The following NHSL1 variants were observed in gnomAD, a reference collection of about 807,000 sequenced individuals.
The protein encoded by NHSL1 is NHS-like protein 1.
Under a neutral mutation model 95.0 loss-of-function variants are expected in NHSL1, and 48 were observed. The observed-to-expected ratio is 0.51, with a 90% CI of 0.40 to 0.64. The LOEUF (loss-of-function observed/expected upper bound fraction) is 0.64. Among genes scored for constraint, NHSL1 ranks in the 30% least tolerant of loss-of-function variants. The pLI, the probability that NHSL1 is intolerant of heterozygous loss-of-function variation, is 0.00. For missense variants in NHSL1, 1,971 were observed against 2,077.7 expected, an observed-to-expected ratio of 0.95 and a Z score of 1.00; for synonymous variants, 783 against 833.9, an observed-to-expected ratio of 0.94 and a Z score of 1.05.
intron 2 of NHSL1, among the ~76,000 whole-genome samples, chr6:138,485,399 T>G (rs1006304792): frequency 6.6e-6 from 1 of 151,466 alleles, no homozygotes; most frequent in African/African-American, 2.4e-5. Flanking sequence ...CCTGGATCAT[T>G]TAAATGACTG....
chr6:138,430,561 C>A lies in NHSL1; in HGVS notation c.3784G>T (p.Val1262Phe), dbSNP rs1246902079. Residue 1262 changes from valine to phenylalanine, a missense_variant, in exon 6 of 8, where the codon GTT becomes TTT. Physicochemically the swap from Val to Phe is conservative, Grantham distance 50 (BLOSUM62 -1). Transcript: ENST00000343505. The surrounding 1 kb of genome is among the most constrained non-coding windows in gnomAD (Gnocchi z 4.7). ...GATCCTGCAGCTCCTCCCTCAAGAA[C>A]CGAGGTGCCAGGGTGCGTGGCATGA... ...GSHATHPGTSVLEGGAAGSMS... is the reference protein window; with the variant it reads ...GSHATHPGTSFLEGGAAGSMS... 6.4e-7 allele frequency: 1 copy of A among 1,550,856 alleles called. No homozygotes were observed. Among genetic ancestry groups the A allele is most frequent in the South Asian group, 1.2e-5 (1 of 83,994 alleles).
intron 1 of NHSL1, among the ~76,000 whole-genome samples, chr6:138,522,862 T>C (rs952832519): frequency 6.6e-6 from 1 of 152,120 alleles, no homozygotes; most frequent in Non-Finnish European, 1.5e-5. Flanking sequence ...TTTGAGTCTA[T>C]GGTGCACTGA....
intron 1 of NHSL1, among the ~76,000 whole-genome samples, chr6:138,522,449 C>G (rs937660994): frequency 6.6e-5 from 10 of 152,206 alleles, no homozygotes; most frequent in Non-Finnish European, 1.3e-4. Flanking sequence ...CAAGACCAGC[C>G]TGGTCAACAT....
intron 4 of NHSL1, among the ~76,000 whole-genome samples, chr6:138,442,714 C>G (rs191939208): frequency 6.6e-6 from 1 of 152,118 alleles, no homozygotes; most frequent in Non-Finnish European, 1.5e-5. Context: ...CACAATGAGA[C>G]CCAGTAGCGC....
chr6:138,465,054 CAAAA>C (rs35195031), intron 3 of NHSL1, among the ~76,000 whole-genome samples: 3 of 100,976 alleles, frequency 3.0e-5, no homozygotes, highest in Admixed American at 9.5e-5. Context: ...TGTATGCCTT[CAAAA>C]AAAAAAAAAA....
chr6:138,455,995 TATCATC>T (rs772609181), intron 3 of NHSL1, among the ~76,000 whole-genome samples: 9 of 152,224 alleles, frequency 5.9e-5, no homozygotes, highest in Non-Finnish European at 1.3e-4. Context: ...TAACAATACT[TATCATC>T]ATCATCTGAG....
At chr6:138,459,813 T>C (rs552066807) in intron 3 of NHSL1, among the ~76,000 whole-genome samples, 2 of 152,324 alleles carry the variant, frequency 1.3e-5, no homozygotes, top group Admixed American at 1.3e-4. Context: ...GTTTTGACTA[T>C]ATAAAATTTT....
At chr6:138,591,880 C>T (rs1163027889) in intron 1 of NHSL1, among the ~76,000 whole-genome samples, 1 of 152,200 alleles carries the variant, frequency 6.6e-6, no homozygotes, top group Non-Finnish European at 1.5e-5. Context: ...AGTTACTGAA[C>T]AGACTACTCG....
At chr6:138,527,651 C>T (rs2128313548) in intron 1 of NHSL1, among the ~76,000 whole-genome samples, 1 of 152,256 alleles carries the variant, frequency 6.6e-6, no homozygotes, top group South Asian at 2.1e-4. Context: ...AGACTGAAAA[C>T]CCAAAGTGAA....
At chr6:138,638,573 A>G (rs1052257759) in intron 1 of NHSL1, among the ~76,000 whole-genome samples, 51 of 152,250 alleles carry the variant, frequency 3.3e-4, no homozygotes, top group African/African-American at 1.2e-3. Flanking sequence ...GAGGTAGGAA[A>G]GTTAAGTCCT....
At chr6:138,475,064 G>A (rs983409212) in intron 2 of NHSL1, among the ~76,000 whole-genome samples, 7 of 151,380 alleles carry the variant, frequency 4.6e-5, no homozygotes, top group Admixed American at 2.0e-4. Context: ...CAGGAGAATC[G>A]CTTGAACCCG....
At chr6:138,473,186 T>C (rs1191215996) in intron 3 of NHSL1, 120 bp downstream of exon 3, 5 of 897,726 alleles carry the variant, frequency 5.6e-6, no homozygotes, top group East Asian at 6.6e-5. Flanking sequence ...AGAAATTCAC[T>C]TGAGACAATA....
intron 1 of NHSL1, chr6:138,650,185 C>T: frequency 1.7e-6 from 1 of 579,090 alleles, no homozygotes; most frequent in Non-Finnish European, 3.4e-6. Flanking sequence ...CTCATGGTGG[C>T]CAGGTTAAGA....
intron 1 of NHSL1, among the ~76,000 whole-genome samples, chr6:138,506,190 A>T (rs962328443): frequency 1.0e-4 from 15 of 149,828 alleles, no homozygotes; most frequent in Non-Finnish European, 1.8e-4. Flanking sequence ...TTTTACCAAT[A>T]GATAAAGATA....
intron 5 of NHSL1, among the ~76,000 whole-genome samples, chr6:138,437,825 G>T (rs948419392): frequency 2.0e-5 from 3 of 152,150 alleles, no homozygotes; most frequent in African/African-American, 4.8e-5. Context: ...CTCCAGATGT[G>T]GTAGAAACAG....
intron 1 of NHSL1, among the ~76,000 whole-genome samples, chr6:138,685,252 C>T (rs532870455): frequency 2.0e-5 from 3 of 152,216 alleles, no homozygotes; most frequent in East Asian, 1.9e-4. Context: ...GCTTTTTAAG[C>T]AGGTTATCAT....
At chr6:138,621,297 A>G (rs1489198919) in intron 1 of NHSL1, among the ~76,000 whole-genome samples, 2 of 152,246 alleles carry the variant, frequency 1.3e-5, no homozygotes, top group Non-Finnish European at 2.9e-5. Context: ...GGGAAGTCAA[A>G]GCTTTAAGTC....
intron 7 of NHSL1, among the ~76,000 whole-genome samples, chr6:138,425,107 A>AT (rs36089279): frequency 6.6e-6 from 1 of 152,090 alleles, no homozygotes; most frequent in Admixed American, 6.5e-5. Flanking sequence ...AATTTATTTT[A>AT]TTTTTTTGAG....
intron 1 of NHSL1, among the ~76,000 whole-genome samples, chr6:138,570,516 A>G (rs1409450376): frequency 6.6e-6 from 1 of 152,230 alleles, no homozygotes; most frequent in Non-Finnish European, 1.5e-5. Context: ...TCAGTGGCTC[A>G]TTGTTGATCA....
Sources: allele counts gnomAD v4.1 joint callset (sites outside exome capture counted in the v4.1 genomes callset), GRCh38; gene constraint gnomAD v4.1.1; non-coding constraint Gnocchi (gnomAD v3.1); transcripts MANE v1.5; gene names NCBI Gene and HGNC (gene_info 2026-07-23, HGNC 2026-07-21).